The following TFAP2A variants were observed in gnomAD, a reference collection of about 807,000 sequenced individuals.
TFAP2A encodes transcription factor AP-2 alpha, also known as transcription factor AP-2-alpha.
In TFAP2A, 7 loss-of-function variants were observed where a neutral mutation model predicts 41.5. The observed-to-expected ratio is 0.17, with a 90% CI of 0.10 to 0.32. The LOEUF is 0.32. Among genes scored for constraint, TFAP2A ranks in the 10% least tolerant of loss-of-function variants. The pLI is 1.00. For synonymous variants in TFAP2A, 247 were observed against 242.8 expected (o/e 1.02, Z -0.16); for missense variants, 416 against 563.3 (o/e 0.74, Z 2.65).
chr6:10,419,027 G>A (rs1449531468), upstream of TFAP2A, among the ~76,000 whole-genome samples: 1 of 152,072 alleles, frequency 6.6e-6, no homozygotes, highest in African/African-American at 2.4e-5. Context: ...AACCTTCACC[G>A]CCGCGCACCA....
At chr6:10,414,618 G>A (rs988198416) in intron 1 of TFAP2A, 51 of 527,348 alleles carry the variant, frequency 9.7e-5, no homozygotes, top group Admixed American at 6.0e-4. Context: ...GAGTGCACAG[G>A]CAAGTGCCCA....
rs1337628692 is a variant in TFAP2A, at chr6:10,398,912, T to TTCC, written c.1032-210_1032-208dup. Among the ~76,000 whole-genome samples, 26 of 152,208 alleles carry TTCC rather than the reference T, an allele frequency of 1.7e-4. 1 individual carries two copies. The highest frequency in any genetic ancestry group is 1.7e-3 in the Admixed American group (26 of 15,282). Reference sequence around the variant, plus strand: ...TGACCACTAAACCATCTCTCTTTACTTCCTACCTTCACAAATGACTCTCTC... The same window carrying TTCC: ...TGACCACTAAACCATCTCTCTTTACTTCCTCCTACCTTCACAAATGACTCTCTC... On this transcript the variant is annotated intron_variant, in intron 6 of 6. Coordinates refer to ENST00000379613, the MANE Select transcript of TFAP2A (RefSeq NM_001372066.1). This position sits in a 1 kb window ranked among gnomAD's most constrained non-coding sequence, Gnocchi z 5.3.
In TFAP2A at chr6:10,411,629, G is replaced by A. The variant is rs766963491; in HGVS notation, c.52-1294C>T. The A allele has an allele frequency of 8.1e-6, 13 of 1,613,494 alleles. No homozygotes were observed. In the East Asian group the frequency reaches 1.8e-4, roughly 22 times the overall value. ...GAGTCTGGGGTAACGAGTCAGGGTG[G>A]AAAAAAACAAGCAAGCCTGGAGCGC... On this transcript the variant is annotated intron_variant, in intron 1 of 6. Transcript: ENST00000379613.
At chr6:10,414,495 AAAG>A (rs1264539400) in intron 1 of TFAP2A, 3 of 290,362 alleles carry the variant, frequency 1.0e-5, no homozygotes, top group African/African-American at 2.2e-5. Flanking sequence ...GAATGAATAG[AAAG>A]AAGAAGGAAT....
intron 1 of TFAP2A, chr6:10,411,538 G>GA: frequency 6.4e-7 from 1 of 1,558,766 alleles, no homozygotes; most frequent in Non-Finnish European, 8.7e-7. Flanking sequence ...AATTCCTAAA[G>GA]AAACAGCAAC....
At chr6:10,399,849 A>G (rs1220369912) in intron 6 of TFAP2A, among the ~76,000 whole-genome samples, 1 of 152,104 alleles carries the variant, frequency 6.6e-6, no homozygotes, top group Non-Finnish European at 1.5e-5. Context: ...CCATTTTGAA[A>G]TCTATTTGAC....
rs1298229232 is a variant in TFAP2A at position 10,402,565 on chromosome 6, G to A, written c.816C>T (p.Asp272=). Residue 272 remains aspartate, a synonymous_variant, in exon 5 of 7, where the codon GAC becomes GAT. Transcript: ENST00000379613. ...CTGCAGGCAGATTTAATCCTATTTT[G>A]TCCAGTTTTTCTCTTAAAGATCTTC... is the stretch of plus-strand genomic sequence containing the variant. ...NGGRSLREKL[D]KIGLNLPAGR... 4 of 1,614,132 alleles carry A rather than the reference G, an allele frequency of 2.5e-6. No individual in the cohort carries two copies. The highest frequency in any genetic ancestry group is 1.1e-5 in the South Asian group (1 of 91,072).
At chr6:10,399,270 C>G (rs931227153) in intron 6 of TFAP2A, among the ~76,000 whole-genome samples, 10 of 152,104 alleles carry the variant, frequency 6.6e-5, no homozygotes, top group African/African-American at 1.9e-4. Context: ...CTTTAAAAAA[C>G]AAGAATAACA....
At position 10,398,460 on chromosome 6, in the gene TFAP2A, T is replaced by C; in HGVS notation, c.1277A>G (p.Asn426Ser). ...LSNNPNSHTD[N>S]NAKSSDKEEK... ...CTCTTTGTCACTGCTTTTGGCGTTGTTGTCCGTGTGGCTGTTGGGGTTGTT... is the reference window on the plus strand; with the variant it reads ...CTCTTTGTCACTGCTTTTGGCGTTGCTGTCCGTGTGGCTGTTGGGGTTGTT... The change falls in exon 7 of 7, where the codon AAC becomes AGC. Residue 426 changes from asparagine to serine, a missense_variant. Asn to Ser is a conservative substitution (Grantham distance 46). This residue lies in a region of TFAP2A where 116 missense variants were observed against 153.8 expected (regional missense o/e 0.75). Coordinates refer to ENST00000379613, the MANE Select transcript of TFAP2A (RefSeq NM_001372066.1). This position sits in a 1 kb window ranked among gnomAD's most constrained non-coding sequence, Gnocchi z 5.3. The C allele has an allele frequency of 6.2e-7, 1 of 1,614,268 alleles. No individual in the cohort carries two copies. The highest frequency in any genetic ancestry group is 1.1e-5 in the South Asian group (1 of 91,092).
At chr6:10,401,221 G>T (rs1054230319) in intron 5 of TFAP2A, among the ~76,000 whole-genome samples, 3 of 152,194 alleles carry the variant, frequency 2.0e-5, no homozygotes, top group Non-Finnish European at 2.9e-5. Flanking sequence ...TCCATAAAAT[G>T]GAGCGGATCA....
At chr6:10,402,327 A>C (rs1195862474) in intron 5 of TFAP2A, 165 bp downstream of exon 5, 1 of 720,788 alleles carries the variant, frequency 1.4e-6, no homozygotes, top group Non-Finnish European at 2.6e-6. Context: ...GAGTACATGC[A>C]AATGTTTCTT....
At chr6:10,412,673 T>C (rs1017817372) in intron 1 of TFAP2A, 3 of 339,544 alleles carry the variant, frequency 8.8e-6, no homozygotes, top group Non-Finnish European at 1.8e-5. Context: ...CTCGTGGGGC[T>C]CTCGGCGCGG....
intron 3 of TFAP2A, 161 bp from the exon 4 acceptor site, chr6:10,404,900 T>G: frequency 3.0e-6 from 2 of 669,446 alleles, no homozygotes; most frequent in Non-Finnish European, 5.1e-6. Context: ...GCTACTTCCC[T>G]TCCTCGGGCT....
chr6:10,416,441 A>AAAG (rs398000431), upstream of TFAP2A: 2 of 150,916 alleles, frequency 1.3e-5, no homozygotes, highest in Non-Finnish European at 3.0e-5. Flanking sequence ...AAAAAAAAAA[A>AAAG]GAAAAGGACC....
At chr6:10,415,209 G>T (rs1366811583), upstream of TFAP2A, 4 of 1,480,990 alleles carry the variant, frequency 2.7e-6, no homozygotes, top group Admixed American at 8.5e-5. Context: ...GAAGGGCGAG[G>T]AGGAGGAGAG....
chr6:10,418,522 C>T (rs538902600), upstream of TFAP2A: 1 of 152,260 alleles, frequency 6.6e-6, no homozygotes. Flanking sequence ...CAGGCAGAGC[C>T]TTTTACCGCC....
At position 10,410,341 on chromosome 6, in the gene TFAP2A, A is replaced by C. The variant is rs1757906135; in HGVS notation, c.52-6T>G. On this transcript the variant is annotated splice_region_variant and splice_polypyrimidine_tract_variant and intron_variant, in intron 1 of 6. Transcript: ENST00000379613. ...CTGGTGCCGTCGTGACGGTCCTAGAAGAGAGCGAGAGGAAAGGTAAAGAAC... is the reference window on the plus strand; with the variant it reads ...CTGGTGCCGTCGTGACGGTCCTAGACGAGAGCGAGAGGAAAGGTAAAGAAC... The C allele has an allele frequency of 1.2e-6, 2 of 1,607,156 alleles. No individual in the cohort carries two copies. The highest frequency in any genetic ancestry group is 1.7e-6 in the Non-Finnish European group (2 of 1,177,334).
rs1761819788 is a variant in TFAP2A at position 10,397,638 on chromosome 6, G to A, written c.*779C>T. On this transcript the variant is annotated 3_prime_UTR_variant, in exon 7 of 7. Coordinates refer to ENST00000379613, the MANE Select transcript of TFAP2A (RefSeq NM_001372066.1). ...GGAAGATTCAAAACCCACTAAACAA[G>A]AGGTAAACAAGATCAGATAAATAAA... is the stretch of plus-strand genomic sequence containing the variant. 6.4e-6 allele frequency: 1 copy of A among 155,160 alleles called. No individual in the cohort carries two copies. Among genetic ancestry groups the A allele is most frequent in the Non-Finnish European group, 1.3e-5 (1 of 74,910 alleles). 9.6% of individuals were successfully genotyped at this position (155,160 alleles called of 1,614,324 possible). A position where few individuals can be genotyped will look rare whatever the true frequency, so the allele number is the denominator to read the frequency against.
intron 1 of TFAP2A, among the ~76,000 whole-genome samples, chr6:10,414,241 C>G (rs1440011123): frequency 6.6e-6 from 1 of 152,206 alleles, no homozygotes; most frequent in Non-Finnish European, 1.5e-5. Context: ...CACCCCACCC[C>G]CACACACCCC....
Sources: gnomAD v4.1 joint callset for allele counts (sites outside exome capture counted in the v4.1 genomes callset) on GRCh38, gnomAD v4.1.1 for gene constraint, gnomAD v4.1.1 regional missense constraint, Gnocchi (gnomAD v3.1) non-coding constraint, MANE v1.5 for transcripts, NCBI Gene and HGNC (gene_info 2026-07-23, HGNC 2026-07-21) for gene names.